Variants in ZBTB7C observed in about 807,000 individuals in gnomAD.
ZBTB7C encodes the protein zinc finger and BTB domain containing 7C, also known as zinc finger and BTB domain-containing protein 7C.
Under a neutral mutation model 25.7 loss-of-function variants are expected in ZBTB7C, and 8 were observed. That is an observed-to-expected ratio of 0.31 (90% confidence interval 0.18 to 0.56). The LOEUF (loss-of-function observed/expected upper bound fraction) is 0.56, where lower values mean the gene tolerates loss of function less well. Ranked by LOEUF, ZBTB7C falls within the 20% of genes least tolerant of loss-of-function variation. The probability of loss-of-function intolerance (pLI) is 0.91; values close to 1 mark genes in which losing one functional copy is unlikely to be tolerated. For synonymous variants in ZBTB7C, 394 were observed against 369.0 expected (o/e 1.07, Z -0.78); for missense variants, 824 against 855.2 (o/e 0.96, Z 0.46).
intron 3 of ZBTB7C, chr18:48,185,220 A>C (rs1193088938): frequency 2.8e-6 from 1 of 353,808 alleles, no homozygotes; most frequent in African/African-American, 2.2e-5. Context: ...TCCCTCCTCC[A>C]TCAGTCCAGT....
At chr18:48,321,295 G>T (rs562239885) in intron 2 of ZBTB7C, among the ~76,000 whole-genome samples, 1 of 152,160 alleles carries the variant, frequency 6.6e-6, no homozygotes, top group Non-Finnish European at 1.5e-5. Flanking sequence ...GCCCTGGCTG[G>T]TGCATCCTCC....
In ZBTB7C at chr18:48,029,485, T is replaced by C. The variant is rs115874895; in HGVS notation, c.1635A>G (p.Gln545=). 98 of 1,595,938 alleles carry C rather than the reference T, an allele frequency of 6.1e-5. 1 individual carries two copies. Among genetic ancestry groups the C allele is most frequent in the South Asian group, 4.5e-4 (40 of 89,844 alleles). ...TCTCCTCGAACTGCCGCTCCAGCTC[T>C]TGCAGGCTCAGGGCGCCCTTGGGCG... is the stretch of plus-strand genomic sequence containing the variant. ...LAAPKGALSL[Q]ELERQFEETQ... The change falls in exon 5 of 5, where the codon CAA becomes CAG. Residue 545 remains glutamine, a synonymous_variant. Coordinates refer to ENST00000590800, the MANE Select transcript of ZBTB7C (RefSeq NM_001318841.2).
chr18:48,113,806 C>A (rs772063271), intron 3 of ZBTB7C, among the ~76,000 whole-genome samples: 1 of 152,242 alleles, frequency 6.6e-6, no homozygotes, highest in Non-Finnish European at 1.5e-5. Context: ...GCGAGGCGTA[C>A]GCCTGTCCCA....
At chr18:48,412,304 A>G (rs2048387472), upstream of ZBTB7C, among the ~76,000 whole-genome samples, 3 of 152,248 alleles carry the variant, frequency 2.0e-5, 1 homozygote, top group South Asian at 6.2e-4. Flanking sequence ...TGAAAGACTG[A>G]TTCAAGAAAA....
At chr18:48,404,952 A>G (rs2048244650) in intron 1 of ZBTB7C, among the ~76,000 whole-genome samples, 1 of 152,214 alleles carries the variant, frequency 6.6e-6, no homozygotes, top group Non-Finnish European at 1.5e-5. Flanking sequence ...ACAGCTGTCC[A>G]GCCCTGACCT....
intron 1 of ZBTB7C, among the ~76,000 whole-genome samples, chr18:48,380,774 A>G (rs2047617947): frequency 6.6e-6 from 1 of 152,240 alleles, no homozygotes; most frequent in African/African-American, 2.4e-5. Flanking sequence ...TTAGTTAATG[A>G]TAACATACCA....
At chr18:48,338,910 T>C (rs1009708430) in intron 1 of ZBTB7C, among the ~76,000 whole-genome samples, 10 of 119,582 alleles carry the variant, frequency 8.4e-5, no homozygotes, top group African/African-American at 3.1e-4. Flanking sequence ...CTGTAGTTTG[T>C]TGGGGGGGGG....
At position 48,399,641 on chromosome 18, in the gene ZBTB7C, C is replaced by T. The variant is rs1026359618; in HGVS notation, c.-304+9585G>A. On this transcript the variant is annotated intron_variant, in intron 1 of 4. Transcript: ENST00000590800. ...GCCTCGTCTGAAGCAGTTCTTAGAGCAGGCAAGCCCCTTTCCTGTCTGGGA... is the reference window on the plus strand; with the variant it reads ...GCCTCGTCTGAAGCAGTTCTTAGAGTAGGCAAGCCCCTTTCCTGTCTGGGA... 3.3e-5 allele frequency among the ~76,000 whole-genome samples: 5 copies of T among 152,192 alleles called. No homozygotes were observed. In the South Asian group the frequency reaches 8.3e-4, roughly 25 times the overall value.
intron 3 of ZBTB7C, among the ~76,000 whole-genome samples, chr18:48,174,548 C>T (rs2041605829): frequency 1.3e-5 from 2 of 152,226 alleles, no homozygotes; most frequent in Non-Finnish European, 2.9e-5. Context: ...TTGATAATCC[C>T]ATTTTTAGAA....
At chr18:48,222,634 T>C (rs150486186) in intron 2 of ZBTB7C, among the ~76,000 whole-genome samples, 1 of 152,282 alleles carries the variant, frequency 6.6e-6, no homozygotes, top group African/African-American at 2.4e-5. Context: ...ACAATTCCCA[T>C]CACATCATGT....
intron 2 of ZBTB7C, among the ~76,000 whole-genome samples, chr18:48,304,052 C>T: frequency 6.6e-6 from 1 of 152,172 alleles, no homozygotes; most frequent in East Asian, 1.9e-4. Flanking sequence ...AGCCCAGGGT[C>T]CCCTGGCAAG....
rs148613261 is a variant in ZBTB7C, at chr18:48,226,169, G to A, written c.-78-40174C>T. On this transcript the variant is annotated intron_variant, in intron 2 of 4. Coordinates refer to ENST00000590800, the MANE Select transcript of ZBTB7C (RefSeq NM_001318841.2). ...CATGTGGAGCCCAGCCCAAGCTGCTGACCAAAATAGTAAACACATAAATGG... is the reference window on the plus strand; with the variant it reads ...CATGTGGAGCCCAGCCCAAGCTGCTAACCAAAATAGTAAACACATAAATGG... Among the ~76,000 whole-genome samples the A allele has an allele frequency of 1.7e-3, 255 of 152,330 alleles. 1 individual carries two copies. Among genetic ancestry groups the A allele is most frequent in the Non-Finnish European group, 2.8e-3 (189 of 68,022 alleles).
intron 1 of ZBTB7C, among the ~76,000 whole-genome samples, chr18:48,339,274 C>T (rs192540265): frequency 6.6e-6 from 1 of 152,334 alleles, no homozygotes; most frequent in Non-Finnish European, 1.5e-5. Flanking sequence ...CAGCTCCACC[C>T]CAACCATGGG....
chr18:48,082,211 T>C (rs781574845), intron 3 of ZBTB7C, among the ~76,000 whole-genome samples: 1 of 152,204 alleles, frequency 6.6e-6, no homozygotes, highest in Non-Finnish European at 1.5e-5. Context: ...CACAGCCTAT[T>C]TGGAGAAGAT....
chr18:48,154,155 G>C (rs1190080477), intron 3 of ZBTB7C, among the ~76,000 whole-genome samples: 1 of 152,186 alleles, frequency 6.6e-6, no homozygotes. Context: ...CTGGGCTTGC[G>C]ACCCTGTCAC....
intron 1 of ZBTB7C, among the ~76,000 whole-genome samples, chr18:48,357,548 C>G (rs1246284392): frequency 6.6e-6 from 1 of 152,194 alleles, no homozygotes; most frequent in Non-Finnish European, 1.5e-5. Flanking sequence ...CCAGGTGCCC[C>G]GGGCAGTGTA....
chr18:48,325,737 C>T (rs564894034), intron 2 of ZBTB7C, among the ~76,000 whole-genome samples: 5 of 152,280 alleles, frequency 3.3e-5, no homozygotes, highest in South Asian at 2.1e-4. Context: ...TGTAGAACCA[C>T]GGAATGTCAG....
chr18:48,134,809 T>C (rs1034738173), intron 3 of ZBTB7C, among the ~76,000 whole-genome samples: 5 of 152,206 alleles, frequency 3.3e-5, no homozygotes, highest in Non-Finnish European at 5.9e-5. Context: ...GTGCCAAAAG[T>C]GCAGACTCTT....
intron 3 of ZBTB7C, among the ~76,000 whole-genome samples, chr18:48,125,360 GGAA>G (rs2039766751): frequency 3.3e-5 from 5 of 152,328 alleles, no homozygotes; most frequent in Middle Eastern, 3.4e-3. Flanking sequence ...AGTGTCCGTA[GGAA>G]GAAGGTGGCC....
Sources: allele counts gnomAD v4.1 joint callset (sites outside exome capture counted in the v4.1 genomes callset), GRCh38; gene constraint gnomAD v4.1.1; transcripts MANE v1.5; gene names NCBI Gene and HGNC (gene_info 2026-07-23, HGNC 2026-07-21).